The following CDH10 variants were observed in gnomAD, a reference collection of about 807,000 sequenced individuals.
CDH10 encodes the protein cadherin 10.
A neutral mutation model predicts 73.1 loss-of-function variants in CDH10; 30 were observed. That is an observed-to-expected ratio of 0.41 (90% CI 0.31 to 0.56). CDH10 has a LOEUF of 0.56. Ranked by LOEUF, CDH10 falls within the 20% of genes least tolerant of loss-of-function variation. The pLI, the probability that CDH10 is intolerant of heterozygous loss-of-function variation, is 0.27. For synonymous variants in CDH10, 345 were observed against 348.2 expected, an observed-to-expected ratio of 0.99 and a Z score of 0.10; for missense variants, 815 against 973.7, an observed-to-expected ratio of 0.84 and a Z score of 2.17.
In CDH10 at chr5:24,537,527, G is replaced by C. The variant is rs2111894942; in HGVS notation, c.379C>G (p.Leu127Val). The part of the protein sequence containing the change: ...IDREEKAFYT[L>V]RAQAINRRTL... ...CTTCTGTTAATAGCTTGTGCGCGTA[G>C]AGTATAAAAGGCCTTTTCCTCCCTA... Residue 127 changes from leucine (L) to valine (V), a missense_variant, in exon 3 of 12, where the codon CTA (leucine) becomes GTA (valine). Physicochemically the swap from Leu to Val is conservative, Grantham distance 32. Around this residue, in one of 3 missense-constraint regions of CDH10, gnomAD observed 516 missense variants for 636.6 expected, o/e 0.81. Coordinates refer to ENST00000264463, the MANE Select transcript of CDH10 (RefSeq NM_006727.5). 1.2e-6 allele frequency: 2 copies of C among 1,613,316 alleles called. No homozygotes were observed. Among genetic ancestry groups the C allele is most frequent in the Non-Finnish European group, 8.5e-7 (1 of 1,179,516 alleles).
chr5:24,564,734 A>G lies in CDH10; in HGVS notation c.232-27060T>C, dbSNP rs1406014395. ...TTTGCAACTTTCTTCTATGAGAGAAAGAATACTTGTTACAATGATCCTATA... is the reference window on the plus strand; with the variant it reads ...TTTGCAACTTTCTTCTATGAGAGAAGGAATACTTGTTACAATGATCCTATA... On this transcript the variant is annotated intron_variant, in intron 2 of 11. Coordinates refer to ENST00000264463, the MANE Select transcript of CDH10 (RefSeq NM_006727.5). Among the ~76,000 whole-genome samples, 3 of 152,220 alleles carry G rather than the reference A, an allele frequency of 2.0e-5. No homozygotes were observed. In the East Asian group the frequency reaches 5.8e-4, roughly 29 times the overall value.
intron 1 of CDH10, among the ~76,000 whole-genome samples, chr5:24,600,560 C>T (rs1561189599): frequency 6.6e-6 from 1 of 151,946 alleles, no homozygotes; most frequent in Admixed American, 6.6e-5. Context: ...AAACCACATC[C>T]TACCTGGCAC....
chr5:24,505,353 G>T (rs910768272), intron 7 of CDH10, 105 bp from the exon 8 acceptor site: 2 of 870,944 alleles, frequency 2.3e-6, no homozygotes, highest in Non-Finnish European at 3.8e-6. Flanking sequence ...TTACAGGAAA[G>T]AACACAGTGC....
At chr5:24,514,455 C>A (rs141428171) in intron 5 of CDH10, among the ~76,000 whole-genome samples, 2 of 152,146 alleles carry the variant, frequency 1.3e-5, no homozygotes, top group African/African-American at 4.8e-5. Context: ...CACAACTCTG[C>A]CTGATAACCA....
At chr5:24,529,592 G>A (rs749361506) in intron 5 of CDH10, among the ~76,000 whole-genome samples, 6 of 151,808 alleles carry the variant, frequency 4.0e-5, no homozygotes, top group Admixed American at 2.0e-4. Context: ...ATTCTTTTGC[G>A]TGCATTTAGG....
rs756185558 is a variant in CDH10 at position 24,487,917 on chromosome 5, G to T, written c.2113C>A (p.Pro705Thr). ...AAATCCCGGACGTCCGTGTTATCTG[G>T]AGCTGTAGGAGTCCTCCGAGGAATA... ...LFIPRRTPTA[P>T]DNTDVRDFIN... The change falls in exon 12 of 12, where the codon CCA becomes ACA. Residue 705 changes from proline (P) to threonine (T), a missense_variant. Pro to Thr is a conservative substitution (Grantham distance 38, BLOSUM62 -1). Around this residue, in one of 3 missense-constraint regions of CDH10, gnomAD observed 241 missense variants for 240.3 expected, o/e 1.00. Coordinates refer to ENST00000264463, the MANE Select transcript of CDH10 (RefSeq NM_006727.5). The T allele has an allele frequency of 6.2e-7, 1 of 1,613,782 alleles. No homozygotes were observed. The highest frequency in any genetic ancestry group is 8.5e-7 in the Non-Finnish European group (1 of 1,179,904).
At chr5:24,504,542 T>TTTTTTTTTTTTG in intron 8 of CDH10, among the ~76,000 whole-genome samples, 3 of 110,278 alleles carry the variant, frequency 2.7e-5, no homozygotes, top group Admixed American at 1.1e-4. Context: ...TTTTTTTTTT[T>TTTTTTTTTTTTG]TAAGATGGAA....
chr5:24,506,366 T>C lies in CDH10; in HGVS notation c.1257-1118A>G, dbSNP rs1018620814. 2.0e-5 allele frequency among the ~76,000 whole-genome samples: 3 copies of C among 152,178 alleles called. No homozygotes were observed. In the East Asian group the frequency reaches 5.8e-4, roughly 29 times the overall value. ...TATCCAACTACATATCTAACATTCA[T>C]GTATTAAGAAAATCATTGTGTCTCT... On this transcript the variant is annotated intron_variant, in intron 7 of 11. Coordinates refer to ENST00000264463, the MANE Select transcript of CDH10 (RefSeq NM_006727.5).
chr5:24,550,918 T>C (rs1313839071), intron 2 of CDH10, among the ~76,000 whole-genome samples: 1 of 152,174 alleles, frequency 6.6e-6, no homozygotes, highest in Non-Finnish European at 1.5e-5. Flanking sequence ...TCAGCTCTCA[T>C]TTAGTCCCTT....
chr5:24,509,667 A>C lies in CDH10; in HGVS notation c.1155T>G (p.Ser385Arg). 6.2e-7 allele frequency: 1 copy of C among 1,612,774 alleles called. No individual in the cohort carries two copies. The highest frequency in any genetic ancestry group is 8.5e-7 in the Non-Finnish European group (1 of 1,178,756). The change falls in exon 7 of 12, where the codon AGT becomes AGG. Residue 385 changes from serine to arginine, a missense_variant. This residue lies in a region of CDH10 where 516 missense variants were observed against 636.6 expected (regional missense o/e 0.81). Transcript: ENST00000264463. The part of the protein sequence containing the change: ...IEDVDEPPVF[S>R]RSSYLFEVHE... Reference sequence around the variant, plus strand: ...GAACTTCAAACAGATAGGAGGACCTACTAAAAACAGGAGGTTCATCCACAT... The same window carrying C: ...GAACTTCAAACAGATAGGAGGACCTCCTAAAAACAGGAGGTTCATCCACAT...
chr5:24,515,351 T>A (rs1743067340), intron 5 of CDH10, among the ~76,000 whole-genome samples: 1 of 152,180 alleles, frequency 6.6e-6, no homozygotes, highest in Non-Finnish European at 1.5e-5. Context: ...ATGCAAAGTG[T>A]TCTTGAAGAA....
chr5:24,498,186 C>T (rs557052935), intron 9 of CDH10, among the ~76,000 whole-genome samples: 1 of 152,236 alleles, frequency 6.6e-6, no homozygotes, highest in Non-Finnish European at 1.5e-5. Flanking sequence ...TTTATTCACA[C>T]ATTAGAACTT....
At chr5:24,514,984 T>C (rs1014411241) in intron 5 of CDH10, among the ~76,000 whole-genome samples, 4 of 152,080 alleles carry the variant, frequency 2.6e-5, no homozygotes, top group Non-Finnish European at 5.9e-5. Context: ...ATTACACAAG[T>C]TTAAATACAT....
chr5:24,511,443 C>G lies in CDH10; in HGVS notation c.886G>C (p.Ala296Pro), dbSNP rs755374117. ...ACTTCAGCATTTTTCCCAGTGTCAG[C>G]ATCAGTTGCTTTGACACTTCCAATG... ...TAIGSVKATD[A>P]DTGKNAEVEY... Residue 296 changes from alanine to proline, a missense_variant, in exon 6 of 12, where the codon GCT becomes CCT. Physicochemically the swap from Ala to Pro is conservative, Grantham distance 27. This residue lies in a region of CDH10 where 516 missense variants were observed against 636.6 expected (regional missense o/e 0.81). Transcript: ENST00000264463. The G allele has an allele frequency of 1.2e-6, 2 of 1,609,424 alleles. No individual in the cohort carries two copies. The highest frequency in any genetic ancestry group is 1.7e-6 in the Non-Finnish European group (2 of 1,175,862).
At chr5:24,544,548 T>C (rs1272791162) in intron 2 of CDH10, among the ~76,000 whole-genome samples, 1 of 152,124 alleles carries the variant, frequency 6.6e-6, no homozygotes, top group Non-Finnish European at 1.5e-5. Context: ...CCCCAGAGAT[T>C]TCCTCCAAGA....
chr5:24,595,277 C>T (rs1018710594), intron 1 of CDH10, among the ~76,000 whole-genome samples: 9 of 151,892 alleles, frequency 5.9e-5, no homozygotes, highest in Admixed American at 2.0e-4. Flanking sequence ...TACATTTATG[C>T]TTACATCCAC....
chr5:24,551,685 A>G (rs576984361), intron 2 of CDH10, among the ~76,000 whole-genome samples: 6 of 152,262 alleles, frequency 3.9e-5, no homozygotes, highest in Non-Finnish European at 7.4e-5. Flanking sequence ...TATTTAAATA[A>G]GAATTCTCTA....
At chr5:24,515,409 A>C (rs1418104883) in intron 5 of CDH10, among the ~76,000 whole-genome samples, 4 of 152,226 alleles carry the variant, frequency 2.6e-5, no homozygotes, top group Non-Finnish European at 5.9e-5. Context: ...TATTACCCTG[A>C]TATAAAACCA....
intron 1 of CDH10, among the ~76,000 whole-genome samples, chr5:24,635,166 C>T (rs889039211): frequency 6.6e-6 from 1 of 151,810 alleles, no homozygotes; most frequent in Admixed American, 6.6e-5. Context: ...TCTAGGTAAT[C>T]GGTAGTCCAC....
Sources: gnomAD v4.1 joint callset for allele counts (sites outside exome capture counted in the v4.1 genomes callset) on GRCh38, gnomAD v4.1.1 for gene constraint, gnomAD v4.1.1 regional missense constraint, MANE v1.5 for transcripts, NCBI Gene and HGNC (gene_info 2026-07-23, HGNC 2026-07-21) for gene names.